The following FKBP2 variants were observed in gnomAD, a reference collection of about 807,000 sequenced individuals.
FKBP2 encodes the protein peptidyl-prolyl cis-trans isomerase FKBP2.
FKBP2 carries 15 observed loss-of-function variants against 19.4 expected under a neutral mutation model. The ratio of observed to expected loss-of-function variants is 0.77; its 90% CI spans 0.52 to 1.19. The LOEUF (loss-of-function observed/expected upper bound fraction) is 1.19, where lower values mean the gene tolerates loss of function less well. FKBP2 is among the 50% of genes most tolerant of loss of function. The probability of loss-of-function intolerance (pLI) is 0.00; values close to 1 mark genes in which losing one functional copy is unlikely to be tolerated. For missense variants in FKBP2, 170 were observed against 179.0 expected (o/e 0.95, Z 0.29); for synonymous variants, 76 against 74.8 (o/e 1.02, Z -0.08).
intron 2 of FKBP2, 26 bp downstream of exon 2, chr11:64,242,584 G>A: frequency 2.0e-6 from 3 of 1,525,664 alleles, no homozygotes; most frequent in Non-Finnish European, 2.6e-6. Context: ...GGGCCTTTTG[G>A]GAGTGGGTGG....
chr11:64,243,163 C>G (rs751271721), intron 2 of FKBP2, 36 bp from the exon 3 acceptor site: 3 of 1,590,096 alleles, frequency 1.9e-6, no homozygotes, highest in East Asian at 2.2e-5. Context: ...CAGGGGTGGT[C>G]CCCTCTTCCT....
chr11:64,243,847 G>A lies in FKBP2; in HGVS notation c.338G>A (p.Gly113Glu), dbSNP rs781271681. 6.2e-7 allele frequency: 1 copy of A among 1,614,172 alleles called. No homozygotes were observed. The highest frequency in any genetic ancestry group is 8.5e-7 in the Non-Finnish European group (1 of 1,180,000). Reference protein sequence around the residue: ...KLVIPSELGYGERGAPPKIPG... With the variant: ...KLVIPSELGYEERGAPPKIPG... The stretch of plus-strand genomic sequence containing the variant: ...CTTTGTGCATCTTCAACAGGGTATG[G>A]AGAGCGGGGAGCTCCCCCAAAGATT... Residue 113 changes from glycine (G) to glutamate (E), a missense_variant, in exon 5 of 6, where the codon GGA becomes GAA. By Grantham distance (98) the Gly-to-Glu change is moderately conservative (BLOSUM62 -2). Transcript: ENST00000309366.
intron 1 of FKBP2, chr11:64,242,161 C>T (rs1364552103): frequency 4.2e-6 from 2 of 473,916 alleles, no homozygotes; most frequent in South Asian, 6.5e-5. Context: ...CCTCCCCTGA[C>T]CCCCTCCCCC....
Position 64,242,559 on chromosome 11 carries a change from G to A in FKBP2, c.171+1G>A. 1 of 1,536,534 alleles carries A rather than the reference G, an allele frequency of 6.5e-7. No homozygotes were observed. Among genetic ancestry groups the A allele is most frequent in the Non-Finnish European group, 8.7e-7 (1 of 1,148,050 alleles). On this transcript the variant is annotated splice_donor_variant, in intron 2 of 5. Transcript: ENST00000309366. LOFTEE classifies it high-confidence loss of function. The stretch of plus-strand genomic sequence containing the variant: ...GGATGTCCTGCACATGCACTACACG[G>A]TGAGTGGGTTGGGCGGGCCTTTTGG...
chr11:64,241,757 G>C (rs2030510057), intron 1 of FKBP2: 1 of 152,554 alleles, frequency 6.6e-6, no homozygotes, highest in Non-Finnish European at 1.5e-5. Flanking sequence ...GGTGGTGTGG[G>C]TGGAGCGGGC....
At chr11:64,241,788 G>A (rs1413401723) in intron 1 of FKBP2, 1 of 152,674 alleles carries the variant, frequency 6.5e-6, no homozygotes, top group African/African-American at 2.4e-5. Context: ...GCAGACACAG[G>A]GCCAGTCTGG....
chr11:64,243,413 T>G, intron 3 of FKBP2, 38 bp from the exon 4 acceptor site: 1 of 1,613,430 alleles, frequency 6.2e-7, no homozygotes, highest in Non-Finnish European at 8.5e-7. Context: ...ACAAGGGCCC[T>G]GGGTGCTGCC....
intron 4 of FKBP2, 52 bp from the exon 5 acceptor site, chr11:64,243,789 A>C: frequency 1.2e-6 from 2 of 1,607,928 alleles, no homozygotes; most frequent in Non-Finnish European, 1.7e-6. Context: ...CTTTGCCCAC[A>C]CTGGAAGGGA....
At chr11:64,243,768 G>T (rs2030715016) in intron 4 of FKBP2, 73 bp from the exon 5 acceptor site, 1 of 1,587,794 alleles carries the variant, frequency 6.3e-7, no homozygotes, top group Non-Finnish European at 8.6e-7. Flanking sequence ...GAGAGGGGCG[G>T]AACACTCTCC....
At position 64,243,258 on chromosome 11, in the gene FKBP2, C is replaced by T. The variant is rs760747733; in HGVS notation, c.231C>T (p.Val77=). ...GCCTGCCCCAGAACCAGCCCTTTGTCTTCTCCCTTGGCACAGGCCAGGTCA... is the reference window on the plus strand; with the variant it reads ...GCCTGCCCCAGAACCAGCCCTTTGTTTTCTCCCTTGGCACAGGCCAGGTCA... The part of the protein sequence containing the change: ...DSSLPQNQPF[V]FSLGTGQVIK... The change falls in exon 3 of 6, where the codon GTC becomes GTT. Residue 77 remains valine (V), a synonymous_variant. Coordinates refer to ENST00000309366, the MANE Select transcript of FKBP2 (RefSeq NM_004470.4). The T allele has an allele frequency of 1.9e-6, 3 of 1,612,884 alleles. No individual in the cohort carries two copies. The highest frequency in any genetic ancestry group is 2.2e-5 in the South Asian group (2 of 90,940).
rs2030588781 is a variant in FKBP2, at chr11:64,242,544, C to T, written c.157C>T (p.His53Tyr). ...PIKSRKGDVL[H>Y]MHYTGKLEDG... ...CAAATCGCGCAAAGGGGATGTCCTG[C>T]ACATGCACTACACGGTGAGTGGGTT... The change falls in exon 2 of 6, where the codon CAC (histidine) becomes TAC (tyrosine). Residue 53 changes from histidine (H) to tyrosine (Y), a missense_variant. Physicochemically the swap from His to Tyr is moderately conservative, Grantham distance 83. Coordinates refer to ENST00000309366, the MANE Select transcript of FKBP2 (RefSeq NM_004470.4). The T allele has an allele frequency of 6.5e-7, 1 of 1,548,078 alleles. No individual in the cohort carries two copies. The highest frequency in any genetic ancestry group is 1.2e-5 in the South Asian group (1 of 82,972).
intron 2 of FKBP2, 42 bp from the exon 3 acceptor site, chr11:64,243,157 G>C (rs1364743978): frequency 2.6e-6 from 4 of 1,568,300 alleles, no homozygotes; most frequent in Middle Eastern, 2.0e-4. Context: ...GGGTGTCAGG[G>C]GTGGTCCCCT....
At position 64,243,309 on chromosome 11, in the gene FKBP2, G is replaced by A. The variant is rs761580361; in HGVS notation, c.282G>A (p.Leu94=). The change falls in exon 3 of 6, where the codon CTG becomes CTA. Residue 94 remains leucine, a splice_region_variant and synonymous_variant. Coordinates refer to ENST00000309366, the MANE Select transcript of FKBP2 (RefSeq NM_004470.4). ...TCAAGGGCTGGGACCAGGGGCTGCT[G>A]GGGTGAGTCATGGGGGAATGGGCTT... ...QVIKGWDQGL[L]GMCEGEKRKL... is the part of the protein sequence containing the mutation. 11 of 1,602,830 alleles carry A rather than the reference G, an allele frequency of 6.9e-6. No homozygotes were observed. The East Asian group carries it at 2.2e-4, about 33-fold the overall frequency.
chr11:64,243,896 C>T lies in FKBP2; in HGVS notation c.367+20C>T. 1 of 1,614,026 alleles carries T rather than the reference C, an allele frequency of 6.2e-7. No individual in the cohort carries two copies. Among genetic ancestry groups the T allele is most frequent in the Non-Finnish European group, 8.5e-7 (1 of 1,179,942 alleles). ...TTCCAGGTAGTAAACCTTTTGATAC[C>T]TCCCATCACCTGCAGCCAGCCCACC... On this transcript the variant is annotated intron_variant, in intron 5 of 5. Transcript: ENST00000309366.
At position 64,242,569 on chromosome 11, in the gene FKBP2, T is replaced by C. The variant is rs1367358110; in HGVS notation, c.171+11T>C. ...CACATGCACTACACGGTGAGTGGGT[T>C]GGGCGGGCCTTTTGGGAGTGGGTGG... On this transcript the variant is annotated intron_variant, in intron 2 of 5. Transcript: ENST00000309366. 3 of 1,527,804 alleles carry C rather than the reference T, an allele frequency of 2.0e-6. No individual in the cohort carries two copies. The highest frequency in any genetic ancestry group is 1.7e-6 in the Non-Finnish European group (2 of 1,143,538). The allele number at this position is 1,527,804 out of a possible 1,614,324, so 94.6% of individuals were successfully genotyped here. A position where few individuals can be genotyped will look rare whatever the true frequency, so the allele number is the denominator to read the frequency against.
At position 64,244,087 on chromosome 11, in the gene FKBP2, AAAAAACAAAAAAC is replaced by A; in HGVS notation, c.*68_*80del. ...CATCAGGGACCAGACTGTTCCAAAA[AAAAAACAAAAAAC>A]AAAAACAAACAAAAAAACACTTAAA... On this transcript the variant is annotated 3_prime_UTR_variant, in exon 6 of 6. Transcript: ENST00000309366. The A allele has an allele frequency of 1.3e-6, 2 of 1,552,752 alleles. No homozygotes were observed. Among genetic ancestry groups the A allele is most frequent in the Non-Finnish European group, 1.8e-6 (2 of 1,138,082 alleles).
Position 64,243,693 on chromosome 11 carries a change from C to T in FKBP2, c.332-148C>T, listed in dbSNP as rs2030707200. The T allele has an allele frequency of 6.4e-6, 8 of 1,248,448 alleles. No homozygotes were observed. The Admixed American group carries it at 7.5e-5, about 12-fold the overall frequency. The allele number at this position is 1,248,448 out of a possible 1,614,324, so 77.3% of individuals were successfully genotyped here. A position where few individuals can be genotyped will look rare whatever the true frequency, so the allele number is the denominator to read the frequency against. ...TCAGCTGTAGTGGCCCCACTCTGCC[C>T]TTGCCAGGCCTTTGGCACCCCCTTC... On this transcript the variant is annotated intron_variant, in intron 4 of 5. Transcript: ENST00000309366.
intron 2 of FKBP2, 22 bp downstream of exon 2, chr11:64,242,580 T>C: frequency 6.6e-7 from 1 of 1,525,286 alleles, no homozygotes. Flanking sequence ...GGGCGGGCCT[T>C]TTGGGAGTGG....
At chr11:64,242,169 C>T (rs1270179608) in intron 1 of FKBP2, 5 of 482,672 alleles carry the variant, frequency 1.0e-5, no homozygotes, top group East Asian at 3.6e-5. Flanking sequence ...GACCCCCTCC[C>T]CCCGCTGCTG....
Sources: allele counts gnomAD v4.1 joint callset, GRCh38; gene constraint gnomAD v4.1.1; transcripts MANE v1.5; gene names NCBI Gene and HGNC (gene_info 2026-07-23, HGNC 2026-07-21).